Variants in SUPT3H observed in about 807,000 individuals in gnomAD.
SUPT3H encodes the protein transcription initiation protein SPT3 homolog.
In SUPT3H, 44 loss-of-function variants were observed where a neutral mutation model predicts 44.3. The ratio of observed to expected loss-of-function variants is 0.99; its 90% CI spans 0.78 to 1.28. SUPT3H has a LOEUF of 1.28. Among genes scored for constraint, SUPT3H ranks in the 50% most tolerant of loss-of-function variants. The pLI, the probability that SUPT3H is intolerant of heterozygous loss-of-function variation, is 0.00. For synonymous variants in SUPT3H, 124 were observed against 125.6 expected, an observed-to-expected ratio of 0.99 and a Z score of 0.09; for missense variants, 380 against 387.1, an observed-to-expected ratio of 0.98 and a Z score of 0.15.
intron 10 of SUPT3H, among the ~76,000 whole-genome samples, chr6:44,901,689 C>T (rs1765089860): frequency 6.6e-6 from 1 of 151,240 alleles, no homozygotes; most frequent in Admixed American, 6.6e-5. Context: ...AAAGATACTC[C>T]TCGAGAAGAG....
intron 3 of SUPT3H, among the ~76,000 whole-genome samples, chr6:45,048,369 T>C (rs1201764985): frequency 6.6e-6 from 1 of 152,062 alleles, no homozygotes; most frequent in Non-Finnish European, 1.5e-5. Context: ...TCCTCCTGTG[T>C]TTTCTTCTAG....
At chr6:44,901,678 C>A (rs1422708234) in intron 10 of SUPT3H, among the ~76,000 whole-genome samples, 1 of 151,494 alleles carries the variant, frequency 6.6e-6, no homozygotes, top group African/African-American at 2.4e-5. Flanking sequence ...GAGAACGCCA[C>A]AAAGATACTC....
At chr6:45,151,041 G>C (rs529766462) in intron 2 of SUPT3H, among the ~76,000 whole-genome samples, 2 of 152,162 alleles carry the variant, frequency 1.3e-5, no homozygotes, top group South Asian at 4.1e-4. Context: ...TGCTTTCAAA[G>C]CATTCAATGA....
intron 2 of SUPT3H, among the ~76,000 whole-genome samples, chr6:45,341,976 G>A (rs752901931): frequency 6.6e-6 from 1 of 151,858 alleles, no homozygotes; most frequent in African/African-American, 2.4e-5. Context: ...ATAACATGGT[G>A]ATTTAGTAGT....
chr6:45,029,427 C>T (rs901520974), intron 3 of SUPT3H, among the ~76,000 whole-genome samples: 3 of 150,618 alleles, frequency 2.0e-5, no homozygotes, highest in African/African-American at 7.3e-5. Context: ...TACTCAGTTA[C>T]AATCAATGTG....
chr6:44,879,990 C>G (rs1045107803), intron 10 of SUPT3H, among the ~76,000 whole-genome samples: 2 of 152,110 alleles, frequency 1.3e-5, no homozygotes, highest in African/African-American at 4.8e-5. Flanking sequence ...AGCAAAAAGG[C>G]TGAAAATTCC....
At chr6:45,273,568 T>C (rs767730696) in intron 2 of SUPT3H, among the ~76,000 whole-genome samples, 28 of 152,208 alleles carry the variant, frequency 1.8e-4, no homozygotes, top group Non-Finnish European at 3.1e-4. Context: ...TTAAAAAAAA[T>C]GTGAAACCCA....
chr6:44,982,966 C>T (rs893738023), intron 6 of SUPT3H, among the ~76,000 whole-genome samples: 1 of 152,182 alleles, frequency 6.6e-6, no homozygotes, highest in African/African-American at 2.4e-5. Flanking sequence ...AGGTACCAAT[C>T]ACCATGGGAT....
chr6:45,341,658 A>T (rs1326328647), intron 2 of SUPT3H, among the ~76,000 whole-genome samples: 1 of 152,212 alleles, frequency 6.6e-6, no homozygotes, highest in African/African-American at 2.4e-5. Context: ...AAAGGAATGA[A>T]ATGGCAAAAT....
At chr6:45,035,562 A>G (rs1288445728) in intron 3 of SUPT3H, among the ~76,000 whole-genome samples, 1 of 151,962 alleles carries the variant, frequency 6.6e-6, no homozygotes, top group African/African-American at 2.4e-5. Context: ...TCATGTACAG[A>G]CTCTGATTAC....
intron 2 of SUPT3H, among the ~76,000 whole-genome samples, chr6:45,317,269 T>A (rs1238950917): frequency 7.1e-6 from 1 of 140,290 alleles, no homozygotes; most frequent in Admixed American, 7.5e-5. Context: ...TGTCAAAATG[T>A]CCAGACTACC....
At chr6:44,933,124 A>G (rs1469653727) in intron 9 of SUPT3H, among the ~76,000 whole-genome samples, 1 of 152,204 alleles carries the variant, frequency 6.6e-6, no homozygotes, top group Non-Finnish European at 1.5e-5. Context: ...AACATTTATT[A>G]TTATAAACGT....
chr6:44,820,333 C>T (rs149926662), intron 11 of SUPT3H, among the ~76,000 whole-genome samples: 1 of 152,256 alleles, frequency 6.6e-6, no homozygotes, highest in African/African-American at 2.4e-5. Flanking sequence ...TGGAGATGCA[C>T]TGTGATTTAG....
chr6:45,108,789 C>T (rs1397166471), intron 2 of SUPT3H, among the ~76,000 whole-genome samples: 1 of 152,066 alleles, frequency 6.6e-6, no homozygotes, highest in African/African-American at 2.4e-5. Context: ...TAACTATTAT[C>T]ACCACTTTCA....
chr6:44,828,941 G>A lies in SUPT3H; in HGVS notation c.*875C>T, dbSNP rs529095764. On this transcript the variant is annotated 3_prime_UTR_variant, in exon 11 of 11. Transcript: ENST00000371459. Reference sequence around the variant, plus strand: ...GAGTTACGGTTCCTCATTTACTGGAGAAAGTATAGATGCCAGAAGGGTAGC... The same window carrying A: ...GAGTTACGGTTCCTCATTTACTGGAAAAAGTATAGATGCCAGAAGGGTAGC... 1.3e-5 allele frequency: 2 copies of A among 152,550 alleles called. No homozygotes were observed. The highest frequency in any genetic ancestry group is 4.1e-4 in the South Asian group (2 of 4,824). The allele number at this position is 152,550 out of a possible 1,614,324, so 9.4% of individuals were successfully genotyped here. A position where few individuals can be genotyped will look rare whatever the true frequency, so the allele number is the denominator to read the frequency against.
At chr6:45,361,435 T>C (rs1794242119) in intron 2 of SUPT3H, 1 of 152,174 alleles carries the variant, frequency 6.6e-6, no homozygotes, top group South Asian at 2.1e-4. Context: ...GCAAGAAATA[T>C]ATAAATGGGT....
chr6:45,329,315 A>G (rs925177612), intron 2 of SUPT3H, among the ~76,000 whole-genome samples: 3 of 152,004 alleles, frequency 2.0e-5, no homozygotes, highest in Non-Finnish European at 4.4e-5. Context: ...AAATCTACTT[A>G]TAAATTCAAA....
chr6:45,092,787 T>C (rs1028181466), intron 3 of SUPT3H, among the ~76,000 whole-genome samples: 1 of 151,788 alleles, frequency 6.6e-6, no homozygotes, highest in South Asian at 2.1e-4. Flanking sequence ...TCAATTTTAT[T>C]CTAGTGCTTC....
At chr6:45,194,175 T>TA (rs1356089797) in intron 2 of SUPT3H, among the ~76,000 whole-genome samples, 2 of 152,192 alleles carry the variant, frequency 1.3e-5, no homozygotes, top group African/African-American at 4.8e-5. Context: ...GGTATGCATT[T>TA]AAAAAATAAA....
Sources: allele counts gnomAD v4.1 joint callset (sites outside exome capture counted in the v4.1 genomes callset), GRCh38; gene constraint gnomAD v4.1.1; transcripts MANE v1.5; gene names NCBI Gene and HGNC (gene_info 2026-07-23, HGNC 2026-07-21).